CFAP68: variants seen among roughly 807,000 people sequenced by gnomAD.
The protein encoded by CFAP68 is cilia and flagella associated protein 68.
the CFAP68 span, chr11:111,881,564 A>G: frequency 3.9e-6 from 6 of 1,535,864 alleles, no homozygotes; most frequent in Non-Finnish European, 5.2e-6. Flanking sequence ...CTCATAAGAA[A>G]TCTTCAAAGA....
chr11:111,882,458 A>T, the CFAP68 span: 1 of 1,614,202 alleles, frequency 6.2e-7, no homozygotes, highest in African/African-American at 1.3e-5. Flanking sequence ...AGATTGGAAT[A>T]ATATGTCCAA....
At chr11:111,881,580 A>G in the CFAP68 span, 5 of 1,535,868 alleles carry the variant, frequency 3.3e-6, no homozygotes, top group East Asian at 4.9e-5. Context: ...AAAGAGCTCA[A>G]CCTACTCAGC....
the CFAP68 span, chr11:111,881,401 C>T: frequency 6.6e-7 from 1 of 1,525,818 alleles, no homozygotes; most frequent in Non-Finnish European, 8.8e-7. Flanking sequence ...TTTGTTTCTG[C>T]CTGTGGAAAG....
chr11:111,882,747 A>T, the CFAP68 span: 5 of 722,068 alleles, frequency 6.9e-6, no homozygotes, highest in East Asian at 1.4e-4. Context: ...AACAGTCCGC[A>T]GCTGAACCAC....
At chr11:111,879,586 G>C in the CFAP68 span, 5 of 1,614,122 alleles carry the variant, frequency 3.1e-6, no homozygotes, top group Non-Finnish European at 4.2e-6. Context: ...TGTCTCTGCT[G>C]CTCAAAATTT....
the CFAP68 span, chr11:111,882,680 G>A: frequency 3.2e-6 from 4 of 1,257,498 alleles, no homozygotes; most frequent in Non-Finnish European, 4.4e-6. Flanking sequence ...ATGCAGGGAT[G>A]TAATAACTTC....
the CFAP68 span, chr11:111,883,154 A>G: frequency 3.8e-6 from 6 of 1,580,252 alleles, no homozygotes; most frequent in South Asian, 6.9e-5. Flanking sequence ...CTACTTTGAA[A>G]CAACATATGA....
the CFAP68 span, among the ~76,000 whole-genome samples, chr11:111,881,953 G>T: frequency 6.6e-6 from 1 of 151,844 alleles, no homozygotes; most frequent in Non-Finnish European, 1.5e-5. Flanking sequence ...GGAAGGAAAT[G>T]ATCATTTATT....
At chr11:111,881,088 G>T in the CFAP68 span, 1 of 657,178 alleles carries the variant, frequency 1.5e-6, no homozygotes, top group South Asian at 2.5e-5. Context: ...GAGGGTGGCA[G>T]TCTGATTCAA....
chr11:111,882,459 A>G, the CFAP68 span: 2 of 1,614,174 alleles, frequency 1.2e-6, no homozygotes, highest in Non-Finnish European at 1.7e-6. Flanking sequence ...GATTGGAATA[A>G]TATGTCCAAG....
chr11:111,883,803 C>T, the CFAP68 span: 127 of 1,613,312 alleles, frequency 7.9e-5, 1 homozygote, highest in Non-Finnish European at 1.0e-4. Flanking sequence ...GTTCCCAGGA[C>T]ATCAACCTGA....
At chr11:111,882,601 A>G in the CFAP68 span, 1 of 1,553,916 alleles carries the variant, frequency 6.4e-7, no homozygotes, top group South Asian at 1.2e-5. Context: ...CTTCCCAGGT[A>G]ATCTAACTTT....
chr11:111,883,518 G>T, the CFAP68 span, among the ~76,000 whole-genome samples: 2 of 151,834 alleles, frequency 1.3e-5, no homozygotes, highest in Admixed American at 1.3e-4. Context: ...ACCTGAACCC[G>T]AGAGGTGGAG....
chr11:111,883,852 C>T, the CFAP68 span: 3 of 1,609,900 alleles, frequency 1.9e-6, no homozygotes, highest in South Asian at 1.1e-5. Context: ...GAAAAGTCAA[C>T]TTACATGAAT....
chr11:111,880,272 G>A, the CFAP68 span, among the ~76,000 whole-genome samples: 1 of 151,952 alleles, frequency 6.6e-6, no homozygotes, highest in Non-Finnish European at 1.5e-5. Context: ...TCAATGTTTA[G>A]CTCCCACTTA....
the CFAP68 span, chr11:111,883,042 T>TAACTAACACCATA: frequency 1.1e-6 from 1 of 928,054 alleles, no homozygotes; most frequent in Non-Finnish European, 1.7e-6. Flanking sequence ...ATCTAAAATA[T>TAACTAACACCATA]GACAGTCCGT....
At chr11:111,885,704 A>G in the CFAP68 span, 2 of 152,214 alleles carry the variant, frequency 1.3e-5, no homozygotes, top group Admixed American at 6.5e-5. Flanking sequence ...AGAAGACACT[A>G]TAATATATGG....
the CFAP68 span, chr11:111,881,571 A>G: frequency 8.5e-6 from 13 of 1,535,886 alleles, no homozygotes; most frequent in Admixed American, 3.9e-5. Flanking sequence ...GAAATCTTCA[A>G]AGAGCTCAAC....
At chr11:111,882,511 CT>C in the CFAP68 span, 1 of 1,614,082 alleles carries the variant, frequency 6.2e-7, no homozygotes, top group Admixed American at 1.7e-5. Flanking sequence ...ATGAGAATAC[CT>C]ATTCAAACCG....
Sources: gnomAD v4.1 joint callset for allele counts (sites outside exome capture counted in the v4.1 genomes callset) on GRCh38, gnomAD v4.1.1 for gene constraint, MANE v1.5 for transcripts, NCBI Gene and HGNC (gene_info 2026-07-23, HGNC 2026-07-21) for gene names.